Variants in KMT2D observed in about 807,000 individuals in gnomAD.
KMT2D encodes the protein lysine methyltransferase 2D.
In KMT2D, 55 loss-of-function variants were observed where a neutral mutation model predicts 512.7. That is an observed-to-expected ratio of 0.11 (90% CI 0.09 to 0.13). The LOEUF (loss-of-function observed/expected upper bound fraction) is 0.13, where lower values mean the gene tolerates loss of function less well. Among genes scored for constraint, KMT2D ranks in the 10% least tolerant of loss-of-function variants. KMT2D has a pLI of 1.00. For missense variants in KMT2D, 6,061 were observed against 7,127.9 expected (o/e 0.85, Z 5.39); for synonymous variants, 2,995 against 2,904.0 (o/e 1.03, Z -1.01).
chr12:49,029,562 C>T (rs1942788608), intron 43 of KMT2D, 86 bp from the exon 44 acceptor site: 1 of 945,072 alleles, frequency 1.1e-6, no homozygotes, highest in Non-Finnish European at 1.7e-6. Flanking sequence ...GCCTAATTAG[C>T]ATGAGATCTC....
intron 51 of KMT2D, among the ~76,000 whole-genome samples, chr12:49,023,731 G>A (rs776593003): frequency 1.3e-5 from 2 of 152,158 alleles, no homozygotes; most frequent in Non-Finnish European, 2.9e-5. Context: ...AAGTGATCCA[G>A]GACTTTTTGG....
At chr12:49,029,609 TG>T in intron 43 of KMT2D, 133 bp from the exon 44 acceptor site, 1 of 653,540 alleles carries the variant, frequency 1.5e-6, no homozygotes. Context: ...CCTACCAGTT[TG>T]GGGCAAACAA....
intron 1 of KMT2D, among the ~76,000 whole-genome samples, chr12:49,057,798 G>A (rs1004075455): frequency 6.6e-6 from 1 of 152,096 alleles, no homozygotes; most frequent in Non-Finnish European, 1.5e-5. Flanking sequence ...TTTTTCCCTG[G>A]ATCTAAACTG....
chr12:49,044,210 C>T lies in KMT2D; in HGVS notation c.5178G>A (p.Gln1726=), dbSNP rs2120579719. Residue 1726 remains glutamine (Q), a synonymous_variant, in exon 22 of 55, where the codon CAG becomes CAA. Coordinates refer to ENST00000301067, the MANE Select transcript of KMT2D (RefSeq NM_003482.4). This position sits in a 1 kb window ranked among gnomAD's most constrained non-coding sequence, Gnocchi z 6.4. ...AQAEVLSGDG[Q]PDEVIPADLP... is the part of the protein sequence containing the mutation. The stretch of plus-strand genomic sequence containing the variant: ...CCTCACCCGTCTCACCCTCGTCGGG[C>T]TGCCCATCCCCACTCAACACCTCCG... 2 of 1,611,662 alleles carry T rather than the reference C, an allele frequency of 1.2e-6. No homozygotes were observed. The highest frequency in any genetic ancestry group is 2.2e-5 in the South Asian group (2 of 90,950).
In KMT2D at chr12:49,041,739, T is replaced by C. The variant is rs372512969; in HGVS notation, c.6184-34A>G. ...TATGGGACACAGCCTTAGGGCCTAG[T>C]GCTTGGTCTCATGCCCCGCCCCCAT... is the stretch of plus-strand genomic sequence containing the variant. On this transcript the variant is annotated intron_variant, in intron 30 of 54. Transcript: ENST00000301067. This position sits in a 1 kb window ranked among gnomAD's most constrained non-coding sequence, Gnocchi z 5.4. 1.9e-6 allele frequency: 3 copies of C among 1,595,886 alleles called. No homozygotes were observed. In the African/African-American group the frequency reaches 4.0e-5, roughly 21 times the overall value.
rs1027832047 is a variant in KMT2D, at chr12:49,032,867, TTGC to T, written c.11835_11837del (p.Gln3947del). ...GCTGCTGTTGCTGCTGTTGAAGCTG[TTGC>T]TGCTGCTGTTGTTGAAGCTGCTGCT... is the stretch of plus-strand genomic sequence containing the variant. On this transcript the variant is annotated inframe_deletion, in exon 40 of 55. Transcript: ENST00000301067. The T allele has an allele frequency of 1.1e-5, 17 of 1,550,040 alleles. No individual in the cohort carries two copies. Among genetic ancestry groups the T allele is most frequent in the Admixed American group, 3.9e-5 (2 of 51,004 alleles).
chr12:49,026,311 G>A lies in KMT2D; in HGVS notation c.15655C>T (p.Leu5219Phe), dbSNP rs2137715296. 6.2e-7 allele frequency: 1 copy of A among 1,611,966 alleles called. No homozygotes were observed. The highest frequency in any genetic ancestry group is 8.5e-7 in the Non-Finnish European group (1 of 1,178,144). ...CAGCAGCGACGATTGTTGGTGCGGAGGCTCCAATAGATGCGCGTGGCCTCG... is the reference window on the plus strand; with the variant it reads ...CAGCAGCGACGATTGTTGGTGCGGAAGCTCCAATAGATGCGCGTGGCCTCG... ...GYEATRIYWS[L>F]RTNNRRCCYR... Residue 5219 changes from leucine to phenylalanine, a missense_variant, in exon 49 of 55, where the codon CTC becomes TTC. Coordinates refer to ENST00000301067, the MANE Select transcript of KMT2D (RefSeq NM_003482.4). This position sits in a 1 kb window ranked among gnomAD's most constrained non-coding sequence, Gnocchi z 9.6.
chr12:49,052,452 A>G (rs889708647), intron 10 of KMT2D, 28 bp from the exon 11 acceptor site: 1 of 1,546,982 alleles, frequency 6.5e-7, no homozygotes, highest in Non-Finnish European at 8.8e-7. Context: ...CGATGCTCCT[A>G]TCTAGCTCAG....
At chr12:49,036,503 T>C (rs1308096905) in intron 35 of KMT2D, among the ~76,000 whole-genome samples, 1 of 145,670 alleles carries the variant, frequency 6.9e-6, no homozygotes, top group Non-Finnish European at 1.5e-5. Context: ...TTTTTTTTTT[T>C]TTGAGATGGA....
rs797044740 is a variant in KMT2D at position 49,030,659 on chromosome 12, GC to G, written c.13780del (p.Ala4594ProfsTer23). The G allele has an allele frequency of 6.2e-7, 1 of 1,611,078 alleles. No homozygotes were observed. Among genetic ancestry groups the G allele is most frequent in the Non-Finnish European group, 8.5e-7 (1 of 1,178,728 alleles). ...AGTGGGCAGCGCCCCACTTCCAAAG[GC>G]CCCCCTCAGCTGGCTCTGCCCATTG... ...PVNGQSQLRG[A>X]FGSGALPTGP... On this transcript the variant is annotated frameshift_variant, in exon 42 of 55. Transcript: ENST00000301067. LOFTEE classifies it high-confidence loss of function.
Position 49,050,198 on chromosome 12 carries a change from A to G in KMT2D, c.3390T>C (p.Ala1130=), listed in dbSNP as rs2120647023. 1 of 1,613,758 alleles carries G rather than the reference A, an allele frequency of 6.2e-7. No homozygotes were observed. Among genetic ancestry groups the G allele is most frequent in the South Asian group, 1.1e-5 (1 of 91,070 alleles). The change falls in exon 12 of 55, where the codon GCT becomes GCC. Residue 1130 remains alanine, a synonymous_variant. Transcript: ENST00000301067. ...EDTAPLDGID[A]PGSQPEPGQT... is the part of the protein sequence containing the mutation. ...GTCCAGGCTCTGGCTGTGAACCCGG[A>G]GCATCAATCCCATCCAGAGGGGCTG...
rs1943061846 is a variant in KMT2D at position 49,033,554 on chromosome 12, C to T, written c.11151G>A (p.Gln3717=). ...GCTGCTGCAGCTGCAGCTGCCTTTC[C>T]TGTAAAAGCCTTGAATCAGGTCCGA... ...RSLGPDSRLL[Q]ERQLQLQQQR... The change falls in exon 40 of 55, where the codon CAG becomes CAA. Residue 3717 remains glutamine, a synonymous_variant. Coordinates refer to ENST00000301067, the MANE Select transcript of KMT2D (RefSeq NM_003482.4). The T allele has an allele frequency of 6.2e-7, 1 of 1,613,586 alleles. No individual in the cohort carries two copies. Among genetic ancestry groups the T allele is most frequent in the African/African-American group, 1.3e-5 (1 of 74,994 alleles).
Position 49,038,713 on chromosome 12 carries a change from C to T in KMT2D, c.8643G>A (p.Arg2881=), listed in dbSNP as rs2120502975. 1 of 1,610,270 alleles carries T rather than the reference C, an allele frequency of 6.2e-7. No individual in the cohort carries two copies. Among genetic ancestry groups the T allele is most frequent in the Non-Finnish European group, 8.5e-7 (1 of 1,178,534 alleles). The change falls in exon 35 of 55, where the codon CGG becomes CGA. Residue 2881 remains arginine (R), a synonymous_variant. Coordinates refer to ENST00000301067, the MANE Select transcript of KMT2D (RefSeq NM_003482.4). The surrounding 1 kb of genome is among the most constrained non-coding windows in gnomAD (Gnocchi z 5.7). ...PAGPAQFIEL[R]HNVQKGLGPG... is the part of the protein sequence containing the mutation. Reference sequence around the variant, plus strand: ...GTCCCAGTCCTTTCTGTACATTGTGCCGCAGCTCAATGAACTGGGCAGGAC... The same window carrying T: ...GTCCCAGTCCTTTCTGTACATTGTGTCGCAGCTCAATGAACTGGGCAGGAC...
chr12:49,056,124 G>A (rs913068260), intron 1 of KMT2D, among the ~76,000 whole-genome samples: 1 of 152,172 alleles, frequency 6.6e-6, no homozygotes. Context: ...AACAGAAGTG[G>A]ACCTTGAGAG....
At position 49,033,614 on chromosome 12, in the gene KMT2D, C is replaced by A. The variant is rs1943065864; in HGVS notation, c.11091G>T (p.Gly3697=). 1.2e-6 allele frequency: 2 copies of A among 1,613,524 alleles called. No individual in the cohort carries two copies. Among genetic ancestry groups the A allele is most frequent in the African/African-American group, 2.7e-5 (2 of 74,924 alleles). Reference sequence around the variant, plus strand: ...GAGCAAGGTTGCCAGGGAAGAAGCCCCCTGAAGGGCCAGCCAGGGATCCAG... The same window carrying A: ...GAGCAAGGTTGCCAGGGAAGAAGCCACCTGAAGGGCCAGCCAGGGATCCAG... The part of the protein sequence containing the change: ...GGAGSLAGPS[G]GFFPGNLALR... Residue 3697 remains glycine, a synonymous_variant, in exon 40 of 55, where the codon GGG becomes GGT. Coordinates refer to ENST00000301067, the MANE Select transcript of KMT2D (RefSeq NM_003482.4).
rs1189364625 is a variant in KMT2D at position 49,054,735 on chromosome 12, G to T, written c.193C>A (p.Arg65Ser). Residue 65 changes from arginine (R) to serine (S), a missense_variant, in exon 4 of 55, where the codon CGT becomes AGT. Arg to Ser is a moderately radical substitution (Grantham distance 110). Transcript: ENST00000301067. The surrounding 1 kb of genome is among the most constrained non-coding windows in gnomAD (Gnocchi z 6.4). ...PQDCSGGPVR[R>S]CALCNCGEPS... The stretch of plus-strand genomic sequence containing the variant: ...TCCCCGCAGTTACAGAGAGCACAAC[G>T]CCGCACCGGACCCCCACTGTGGACA... 3 of 1,613,764 alleles carry T rather than the reference G, an allele frequency of 1.9e-6. No individual in the cohort carries two copies. Among genetic ancestry groups the T allele is most frequent in the Non-Finnish European group, 2.5e-6 (3 of 1,179,754 alleles).
chr12:49,037,569 T>G lies in KMT2D; in HGVS notation c.9787A>C (p.Lys3263Gln), dbSNP rs770844822. 1.2e-5 allele frequency: 19 copies of G among 1,553,866 alleles called. No individual in the cohort carries two copies. The highest frequency in any genetic ancestry group is 4.7e-5 in the South Asian group (4 of 84,228). The change falls in exon 35 of 55, where the codon AAG (lysine) becomes CAG (glutamine). Residue 3263 changes from lysine to glutamine, a missense_variant. Physicochemically the swap from Lys to Gln is moderately conservative, Grantham distance 53. Coordinates refer to ENST00000301067, the MANE Select transcript of KMT2D (RefSeq NM_003482.4). Reference sequence around the variant, plus strand: ...TGCAACTGTGCTGAAAGCTGCTGCTTCTTCTGCAGCTCCTTCTTCTCATGC... The same window carrying G: ...TGCAACTGTGCTGAAAGCTGCTGCTGCTTCTGCAGCTCCTTCTTCTCATGC... ...LEHEKKELQK[K>Q]QQLSAQLQPA...
At chr12:49,056,191 G>A (rs756875303) in intron 1 of KMT2D, among the ~76,000 whole-genome samples, 1 of 152,192 alleles carries the variant, frequency 6.6e-6, no homozygotes, top group Non-Finnish European at 1.5e-5. Context: ...TGTAGTCTCA[G>A]GAAGCATAGA....
At position 49,038,377 on chromosome 12, in the gene KMT2D, C is replaced by T. The variant is rs2120495810; in HGVS notation, c.8979G>A (p.Leu2993=). 1 of 1,613,916 alleles carries T rather than the reference C, an allele frequency of 6.2e-7. No individual in the cohort carries two copies. ...AGKLPCEDPE[L]DDDFDAHKAL... ...CCTTGTGGGCATCAAAATCGTCATC[C>T]AGCTCGGGATCCTCACAGGGCAACT... Residue 2993 remains leucine, a synonymous_variant, in exon 35 of 55, where the codon CTG becomes CTA. Coordinates refer to ENST00000301067, the MANE Select transcript of KMT2D (RefSeq NM_003482.4). This position sits in a 1 kb window ranked among gnomAD's most constrained non-coding sequence, Gnocchi z 5.7.
Sources: allele counts gnomAD v4.1 joint callset (sites outside exome capture counted in the v4.1 genomes callset), GRCh38; gene constraint gnomAD v4.1.1; non-coding constraint Gnocchi (gnomAD v3.1); transcripts MANE v1.5; gene names NCBI Gene and HGNC (gene_info 2026-07-23, HGNC 2026-07-21).